The following PABPC5 variants were observed in gnomAD, a reference collection of about 807,000 sequenced individuals.
PABPC5 encodes polyadenylate-binding protein 5.
In PABPC5, 6 loss-of-function variants were observed where a neutral mutation model predicts 12.6. The observed-to-expected ratio is 0.48, with a 90% CI of 0.26 to 0.94. The LOEUF is 0.94. Ranked by LOEUF, PABPC5 falls within the 40% of genes least tolerant of loss-of-function variation. PABPC5 has a pLI of 0.14. For synonymous variants in PABPC5, 124 were observed against 118.4 expected, an observed-to-expected ratio of 1.05 and a Z score of -0.31; for missense variants, 244 against 302.8, an observed-to-expected ratio of 0.81 and a Z score of 1.44.
In PABPC5 at chrX:91,436,780, C is replaced by A; in HGVS notation, c.*54C>A. 1 of 1,069,120 alleles carries A rather than the reference C, an allele frequency of 9.4e-7. No individual in the cohort carries two copies. The highest frequency in any genetic ancestry group is 1.2e-6 in the Non-Finnish European group (1 of 804,006). The allele number at this position is 1,069,120 out of a possible 1,213,427, so 88.1% of individuals were successfully genotyped here. A position where few individuals can be genotyped will look rare whatever the true frequency, so the allele number is the denominator to read the frequency against. ...TTAGTTGGTGCCTCCTTAGTTTGGG[C>A]TCCTTTGTGATAAGGGGTTATTTTA... On this transcript the variant is annotated 3_prime_UTR_variant, in exon 2 of 2. Coordinates refer to ENST00000312600, the MANE Select transcript of PABPC5 (RefSeq NM_080832.3).
chrX:91,435,667 C>T lies in PABPC5; in HGVS notation c.90C>T (p.Thr30=), dbSNP rs1283519732. ...LYVGDLDPDV[T]EDMLYKKFRP... ...TGGGTGACTTGGACCCAGATGTCAC[C>T]GAGGACATGCTCTATAAGAAGTTCA... Residue 30 remains threonine, a synonymous_variant, in exon 2 of 2, where the codon ACC becomes ACT. Transcript: ENST00000312600. 2 of 1,211,021 alleles carry T rather than the reference C, an allele frequency of 1.7e-6. No individual in the cohort carries two copies. Among genetic ancestry groups the T allele is most frequent in the East Asian group, 3.0e-5 (1 of 33,798 alleles).
rs1602671487 is a variant in PABPC5, at chrX:91,437,852, A to T, written c.*1126A>T. 1 of 103,491 alleles carries T rather than the reference A, an allele frequency of 9.7e-6. No homozygotes were observed. Among genetic ancestry groups the T allele is most frequent in the Middle Eastern group, 5.0e-3 (1 of 200 alleles). The allele number at this position is 103,491 out of a possible 1,213,427, so 8.5% of individuals were successfully genotyped here. A position where few individuals can be genotyped will look rare whatever the true frequency, so the allele number is the denominator to read the frequency against. On this transcript the variant is annotated 3_prime_UTR_variant, in exon 2 of 2. Transcript: ENST00000312600. ...TTTATGTCTTGGCTGCTTGAAAATT[A>T]AAAAAAAAAAAGGTTTGTTCAATAT... is the stretch of plus-strand genomic sequence containing the variant.
chrX:91,435,264 G>A (rs1237952609), intron 1 of PABPC5, among the ~76,000 whole-genome samples, 171 bp from the exon 2 acceptor site: 1 of 111,803 alleles, frequency 8.9e-6, no homozygotes, highest in Admixed American at 9.4e-5. Context: ...AATTTCACGG[G>A]GACAGGAAAA....
In PABPC5 at chrX:91,436,137, C is replaced by T. The variant is rs779221642; in HGVS notation, c.560C>T (p.Ala187Val). ...AGATTCAAATTCCCAGAAGAGCGGG[C>T]GGCTGAGGTCAGAACCAGGGATAGA... ...VGRFKFPEERAAEVRTRDRAT... is the reference protein window; with the variant it reads ...VGRFKFPEERVAEVRTRDRAT... The change falls in exon 2 of 2, where the codon GCG (alanine) becomes GTG (valine). Residue 187 changes from alanine to valine, a missense_variant. Physicochemically the swap from Ala to Val is moderately conservative, Grantham distance 64. Transcript: ENST00000312600. 1.7e-6 allele frequency: 2 copies of T among 1,209,461 alleles called. No homozygotes were observed. The highest frequency in any genetic ancestry group is 1.1e-6 in the Non-Finnish European group (1 of 895,124).
rs978577074 is a variant in PABPC5 at position 91,438,063 on chromosome X, T to C, written c.*1337T>C. 5.7e-5 allele frequency: 7 copies of C among 122,846 alleles called. No individual in the cohort carries two copies. In the South Asian group the frequency reaches 1.9e-3, roughly 33 times the overall value. 10.1% of individuals were successfully genotyped at this position (122,846 alleles called of 1,213,427 possible). On this transcript the variant is annotated 3_prime_UTR_variant, in exon 2 of 2. Transcript: ENST00000312600. ...TAGGAAGAAGAAAATACCTAATTTA[T>C]GTAAAATTTAAATAATTACTTTTTT...
Position 91,435,953 on chromosome X carries a change from T to C in PABPC5, c.376T>C (p.Phe126Leu). ...SIDNRALFYL[F>L]SAFGNILSCK... is the part of the protein sequence containing the mutation. ...AGACAATAGGGCCCTGTTTTACTTA[T>C]TTTCTGCTTTTGGGAACATTCTGTC... Residue 126 changes from phenylalanine to leucine, a missense_variant, in exon 2 of 2, where the codon TTT (phenylalanine) becomes CTT (leucine). This residue lies in a region of PABPC5 where 211 missense variants were observed against 261.5 expected (regional missense o/e 0.81). Transcript: ENST00000312600. The C allele has an allele frequency of 3.3e-6, 4 of 1,211,722 alleles. No homozygotes were observed. Among genetic ancestry groups the C allele is most frequent in the Non-Finnish European group, 4.5e-6 (4 of 895,478 alleles).
In PABPC5 at chrX:91,438,448, A is replaced by G. The variant is rs1217299173; in HGVS notation, c.*1722A>G. 3 of 122,680 alleles carry G rather than the reference A, an allele frequency of 2.4e-5. No individual in the cohort carries two copies. The highest frequency in any genetic ancestry group is 5.7e-5 in the Non-Finnish European group (3 of 52,889). The allele number at this position is 122,680 out of a possible 1,213,427, so 10.1% of individuals were successfully genotyped here. A position where few individuals can be genotyped will look rare whatever the true frequency, so the allele number is the denominator to read the frequency against. On this transcript the variant is annotated 3_prime_UTR_variant, in exon 2 of 2. Transcript: ENST00000312600. ...CAATTAATATTTTCAATGTGTAAAT[A>G]TCTTTTCATAATTTTTCCTACGTAT...
In PABPC5 at chrX:91,435,507, G is replaced by T. The variant is rs1931582181; in HGVS notation, c.-71G>T. ...TGGCTTTTTCTGTTCGTGAACAGCT[G>T]TTTGGCCCATAGCTTAGAGAAAGCA... On this transcript the variant is annotated 5_prime_UTR_variant, in exon 2 of 2. Transcript: ENST00000312600. 2.5e-5 allele frequency: 26 copies of T among 1,031,320 alleles called. No homozygotes were observed. Among genetic ancestry groups the T allele is most frequent in the Non-Finnish European group, 2.7e-5 (21 of 767,452 alleles). 85.0% of individuals were successfully genotyped at this position (1,031,320 alleles called of 1,213,427 possible).
intron 1 of PABPC5, 34 bp from the exon 2 acceptor site, chrX:91,435,401 G>A: frequency 2.3e-6 from 1 of 438,862 alleles, no homozygotes; most frequent in Non-Finnish European, 3.8e-6. Flanking sequence ...TTCTGAGCCT[G>A]CTGACCAGCT....
rs753139607 is a variant in PABPC5 at position 91,435,927 on chromosome X, T to C, written c.350T>C (p.Ile117Thr). 2 of 1,211,383 alleles carry C rather than the reference T, an allele frequency of 1.7e-6. No homozygotes were observed. The highest frequency in any genetic ancestry group is 2.2e-6 in the Non-Finnish European group (2 of 895,157). ...TTCATCAAAAACCTGGACAAATCCATAGACAATAGGGCCCTGTTTTACTTA... is the reference window on the plus strand; with the variant it reads ...TTCATCAAAAACCTGGACAAATCCACAGACAATAGGGCCCTGTTTTACTTA... ...NIFIKNLDKSIDNRALFYLFS... is the reference protein window; with the variant it reads ...NIFIKNLDKSTDNRALFYLFS... The change falls in exon 2 of 2, where the codon ATA (isoleucine) becomes ACA (threonine). Residue 117 changes from isoleucine (I) to threonine (T), a missense_variant. Ile to Thr is a moderately conservative substitution (Grantham distance 89). Coordinates refer to ENST00000312600, the MANE Select transcript of PABPC5 (RefSeq NM_080832.3).
rs1321465981 is a variant in PABPC5, at chrX:91,436,718, A to C, written c.1141A>C (p.Arg381=). Residue 381 remains arginine (R), a synonymous_variant, in exon 2 of 2, where the codon AGG becomes CGG. Coordinates refer to ENST00000312600, the MANE Select transcript of PABPC5 (RefSeq NM_080832.3). Reference sequence around the variant, plus strand: ...TGTCACCCTGGGCCAGGCCAGGCGCAGGTGCTGAGAATAAGAATGCTCAGT... The same window carrying C: ...TGTCACCCTGGGCCAGGCCAGGCGCCGGTGCTGAGAATAAGAATGCTCAGT... The part of the protein sequence containing the change: ...LHVTLGQARR[R]C 1 of 1,203,658 alleles carries C rather than the reference A, an allele frequency of 8.3e-7. No homozygotes were observed. The highest frequency in any genetic ancestry group is 1.1e-6 in the Non-Finnish European group (1 of 892,536).
chrX:91,437,782 T>C lies in PABPC5; in HGVS notation c.*1056T>C, dbSNP rs1329533804. ...AGGTTGTCTCTTGGATTAAGTCATA[T>C]GCCTCCAGCCATTATATGAGAACTG... On this transcript the variant is annotated 3_prime_UTR_variant, in exon 2 of 2. Transcript: ENST00000312600. 2 of 122,138 alleles carry C rather than the reference T, an allele frequency of 1.6e-5. No homozygotes were observed. Among genetic ancestry groups the C allele is most frequent in the Non-Finnish European group, 3.8e-5 (2 of 52,899 alleles). The allele number at this position is 122,138 out of a possible 1,213,427, so 10.1% of individuals were successfully genotyped here. A position where few individuals can be genotyped will look rare whatever the true frequency, so the allele number is the denominator to read the frequency against.
chrX:91,435,369 G>T (rs958675123), intron 1 of PABPC5, 66 bp from the exon 2 acceptor site: 3 of 349,921 alleles, frequency 8.6e-6, no homozygotes, highest in Non-Finnish European at 1.5e-5. Flanking sequence ...TATTTGGGGC[G>T]CCTTTTTGTC....
chrX:91,435,114 G>A (rs1931574530), intron 1 of PABPC5: 1 of 114,663 alleles, frequency 8.7e-6, no homozygotes, highest in Non-Finnish European at 1.8e-5. Context: ...GGAGGAATAC[G>A]CGCTCGGTCC....
chrX:91,435,265 G>A (rs1405122473), intron 1 of PABPC5, among the ~76,000 whole-genome samples, 170 bp from the exon 2 acceptor site: 2 of 111,893 alleles, frequency 1.8e-5, no homozygotes, highest in Non-Finnish European at 3.8e-5. Context: ...ATTTCACGGG[G>A]ACAGGAAAAT....
rs1481044895 is a variant in PABPC5 at position 91,435,991 on chromosome X, A to T, written c.414A>T (p.Val138=). 7 of 1,209,960 alleles carry T rather than the reference A, an allele frequency of 5.8e-6. No homozygotes were observed. Among genetic ancestry groups the T allele is most frequent in the Non-Finnish European group, 7.8e-6 (7 of 895,280 alleles). The part of the protein sequence containing the change: ...AFGNILSCKV[V]CDDNGSKGYA... Reference sequence around the variant, plus strand: ...GGAACATTCTGTCCTGCAAAGTCGTATGCGATGACAACGGCTCTAAGGGTT... The same window carrying T: ...GGAACATTCTGTCCTGCAAAGTCGTTTGCGATGACAACGGCTCTAAGGGTT... Residue 138 remains valine, a synonymous_variant, in exon 2 of 2, where the codon GTA becomes GTT. Coordinates refer to ENST00000312600, the MANE Select transcript of PABPC5 (RefSeq NM_080832.3).
At position 91,437,083 on chromosome X, in the gene PABPC5, T is replaced by C; in HGVS notation, c.*357T>C. 1 of 169,489 alleles carries C rather than the reference T, an allele frequency of 5.9e-6. No homozygotes were observed. Among genetic ancestry groups the C allele is most frequent in the Non-Finnish European group, 1.2e-5 (1 of 83,236 alleles). 14.0% of individuals were successfully genotyped at this position (169,489 alleles called of 1,213,427 possible). ...CATGAAAATGTCAACATGGTTCTTC[T>C]GAATCTATCACAGTGAAAAGTTCTA... On this transcript the variant is annotated 3_prime_UTR_variant, in exon 2 of 2. Transcript: ENST00000312600.
rs751297464 is a variant in PABPC5 at position 91,436,668 on chromosome X, G to T, written c.1091G>T (p.Arg364Leu). The change falls in exon 2 of 2, where the codon CGC becomes CTC. Residue 364 changes from arginine (R) to leucine (L), a missense_variant. Transcript: ENST00000312600. ...AAAGCAGTGGATGAGATGAATGGCC[G>T]CATAGTGGGCTCCAAGCCCCTGCAT... is the stretch of plus-strand genomic sequence containing the variant. ...ATKAVDEMNG[R>L]IVGSKPLHVT... The T allele has an allele frequency of 8.3e-7, 1 of 1,210,496 alleles. No individual in the cohort carries two copies. Among genetic ancestry groups the T allele is most frequent in the African/African-American group, 1.7e-5 (1 of 57,768 alleles).
chrX:91,436,977 C>CT lies in PABPC5; in HGVS notation c.*259dup, dbSNP rs1339300618. On this transcript the variant is annotated 3_prime_UTR_variant, in exon 2 of 2. Coordinates refer to ENST00000312600, the MANE Select transcript of PABPC5 (RefSeq NM_080832.3). ...CTGTAGAATAAAGTGTATTCCTCCA[C>CT]TTTTTTTTCCTGAACAGTCAAGGTG... 42 of 324,346 alleles carry CT rather than the reference C, an allele frequency of 1.3e-4. No individual in the cohort carries two copies. The highest frequency in any genetic ancestry group is 3.3e-4 in the South Asian group (3 of 9,202). 26.7% of individuals were successfully genotyped at this position (324,346 alleles called of 1,213,427 possible).
Sources: allele counts gnomAD v4.1 joint callset (sites outside exome capture counted in the v4.1 genomes callset), GRCh38; gene constraint gnomAD v4.1.1; regional missense constraint gnomAD v4.1.1; transcripts MANE v1.5; gene names NCBI Gene and HGNC (gene_info 2026-07-23, HGNC 2026-07-21).